The following ME1 variants were observed in gnomAD, a reference collection of about 807,000 sequenced individuals.
The protein encoded by ME1 is NADP-dependent malic enzyme.
Under a neutral mutation model 66.4 loss-of-function variants are expected in ME1, and 74 were observed. The ratio of observed to expected loss-of-function variants is 1.11; its 90% CI spans 0.92 to 1.35. The LOEUF is 1.35. Ranked by LOEUF, ME1 falls within the 40% of genes most tolerant of loss-of-function variation. ME1 has a pLI of 0.00. For missense variants in ME1, 750 were observed against 694.1 expected (o/e 1.08, Z -0.90); for synonymous variants, 251 against 235.6 (o/e 1.07, Z -0.60).
chr6:83,271,849 AT>A (rs1767087176), intron 6 of ME1, among the ~76,000 whole-genome samples: 1 of 152,092 alleles, frequency 6.6e-6, no homozygotes, highest in Non-Finnish European at 1.5e-5. Flanking sequence ...GCAACATATT[AT>A]TTTTTATTAC....
intron 6 of ME1, among the ~76,000 whole-genome samples, chr6:83,299,932 T>G (rs1191369033): frequency 2.0e-5 from 3 of 152,204 alleles, no homozygotes; most frequent in Non-Finnish European, 2.9e-5. Context: ...GAACCAGCCT[T>G]GCATCCCAGG....
intron 3 of ME1, among the ~76,000 whole-genome samples, chr6:83,354,830 C>G (rs1325402302): frequency 6.6e-6 from 1 of 152,106 alleles, no homozygotes; most frequent in African/African-American, 2.4e-5. Flanking sequence ...TAGTATGTAT[C>G]CAACAATATG....
At chr6:83,253,814 T>C (rs1455251530) in intron 6 of ME1, 76 bp from the exon 7 acceptor site, 8 of 717,774 alleles carry the variant, frequency 1.1e-5, no homozygotes, top group Admixed American at 2.3e-5. Context: ...AATTAGCCCA[T>C]AGAAATAGGA....
chr6:83,404,434 C>T (rs1769896877), intron 2 of ME1, among the ~76,000 whole-genome samples: 1 of 151,226 alleles, frequency 6.6e-6, no homozygotes, highest in African/African-American at 2.4e-5. Context: ...CAAAAATTTT[C>T]TCCAATTCTA....
rs553582294 is a variant in ME1 at position 83,290,813 on chromosome 6, G to C, written c.704+24497C>G. Among the ~76,000 whole-genome samples the C allele has an allele frequency of 2.0e-5, 3 of 152,240 alleles. No homozygotes were observed. In the South Asian group the frequency reaches 6.2e-4, roughly 32 times the overall value. On this transcript the variant is annotated intron_variant, in intron 6 of 13. Coordinates refer to ENST00000369705, the MANE Select transcript of ME1 (RefSeq NM_002395.6). ...TATGAATCTGGGTGCTCCTGTATTG[G>C]GTGCATATATATTTAGGATAGTTAG...
At chr6:83,326,703 G>T (rs1218524220) in intron 5 of ME1, among the ~76,000 whole-genome samples, 1 of 152,180 alleles carries the variant, frequency 6.6e-6, no homozygotes, top group Non-Finnish European at 1.5e-5. Context: ...ATGCCTTTTG[G>T]AATGGTAATT....
intron 9 of ME1, among the ~76,000 whole-genome samples, chr6:83,229,690 A>C (rs1412782803): frequency 2.0e-5 from 3 of 152,248 alleles, no homozygotes. Flanking sequence ...ATTGTACTAG[A>C]ACTCAAAGCC....
In ME1 at chr6:83,398,438, G is replaced by T. The variant is rs1205122356; in HGVS notation, c.291C>A (p.Phe97Leu). Residue 97 changes from phenylalanine (F) to leucine (L), a missense_variant, in exon 3 of 14, where the codon TTC (phenylalanine) becomes TTA (leucine). Transcript: ENST00000369705. Reference sequence around the variant, plus strand: ...CAGTGGGAGTATAAACAATAGGCATGAATTTCTCAATGTCAGATGTCAGCA... The same window carrying T: ...CAGTGGGAGTATAAACAATAGGCATTAATTTCTCAATGTCAGATGTCAGCA... The part of the protein sequence containing the change: ...YRVLTSDIEK[F>L]MPIVYTPTVG... 1.2e-6 allele frequency: 2 copies of T among 1,601,286 alleles called. No homozygotes were observed. Among genetic ancestry groups the T allele is most frequent in the Non-Finnish European group, 1.7e-6 (2 of 1,172,522 alleles).
At chr6:83,226,548 T>G (rs1277542321) in intron 11 of ME1, among the ~76,000 whole-genome samples, 3 of 152,054 alleles carry the variant, frequency 2.0e-5, no homozygotes, top group African/African-American at 4.8e-5. Context: ...ATAAGAGAGA[T>G]AAACAATGGA....
At chr6:83,367,974 G>A (rs1361340892) in intron 3 of ME1, among the ~76,000 whole-genome samples, 1 of 152,102 alleles carries the variant, frequency 6.6e-6, no homozygotes. Flanking sequence ...ACTGAGAGAT[G>A]TGTGACTCTT....
At chr6:83,323,179 C>T (rs774080106) in intron 5 of ME1, among the ~76,000 whole-genome samples, 19 of 151,992 alleles carry the variant, frequency 1.3e-4, no homozygotes, top group South Asian at 4.2e-4. Context: ...AAGGAAAAAC[C>T]GGGACAGGCA....
intron 5 of ME1, among the ~76,000 whole-genome samples, chr6:83,340,603 C>A (rs893529826): frequency 8.8e-4 from 133 of 151,848 alleles, no homozygotes; most frequent in African/African-American, 3.1e-3. Context: ...GAGCAAAACA[C>A]AGAAACACCA....
At chr6:83,346,518 A>C (rs949549991) in intron 4 of ME1, among the ~76,000 whole-genome samples, 184 bp from the exon 5 acceptor site, 2 of 152,246 alleles carry the variant, frequency 1.3e-5, no homozygotes, top group African/African-American at 4.8e-5. Context: ...AATGAACTTG[A>C]TTTATAAATA....
chr6:83,289,124 A>T (rs1388890247), intron 6 of ME1, among the ~76,000 whole-genome samples: 1 of 152,194 alleles, frequency 6.6e-6, no homozygotes, highest in Non-Finnish European at 1.5e-5. Flanking sequence ...CTCTCTTCCT[A>T]CTTGAATACC....
At chr6:83,411,552 G>C (rs931452856) in intron 1 of ME1, among the ~76,000 whole-genome samples, 4 of 152,138 alleles carry the variant, frequency 2.6e-5, no homozygotes, top group African/African-American at 9.7e-5. Context: ...ATATTCATTA[G>C]AGATATATTT....
chr6:83,244,368 A>G (rs1562457923), intron 7 of ME1, among the ~76,000 whole-genome samples: 1 of 152,182 alleles, frequency 6.6e-6, no homozygotes, highest in Non-Finnish European at 1.5e-5. Context: ...AGTGTTGCTG[A>G]AGCAAACACA....
chr6:83,339,945 A>G (rs528272862), intron 5 of ME1, among the ~76,000 whole-genome samples: 19 of 141,522 alleles, frequency 1.3e-4, no homozygotes, highest in African/African-American at 4.7e-4. Context: ...CAATGTGCAC[A>G]TGTACCCTAA....
At chr6:83,381,583 T>G (rs1278480812) in intron 3 of ME1, among the ~76,000 whole-genome samples, 1 of 152,064 alleles carries the variant, frequency 6.6e-6, no homozygotes, top group Non-Finnish European at 1.5e-5. Flanking sequence ...TCACCTCACC[T>G]ACCTATAGCC....
intron 6 of ME1, among the ~76,000 whole-genome samples, chr6:83,306,144 CT>C (rs922832227): frequency 7.9e-5 from 12 of 152,048 alleles, no homozygotes; most frequent in African/African-American, 2.6e-4. Flanking sequence ...ATTGAATCTT[CT>C]TTTTTTATGT....
Sources: gnomAD v4.1 joint callset for allele counts (sites outside exome capture counted in the v4.1 genomes callset) on GRCh38, gnomAD v4.1.1 for gene constraint, MANE v1.5 for transcripts, NCBI Gene and HGNC (gene_info 2026-07-23, HGNC 2026-07-21) for gene names.